SEC13: variants seen among roughly 807,000 people sequenced by gnomAD.
SEC13 encodes protein SEC13 homolog.
A neutral mutation model predicts 49.2 loss-of-function variants in SEC13; 25 were observed. The observed-to-expected ratio is 0.51, with a 90% CI of 0.37 to 0.71. The LOEUF (loss-of-function observed/expected upper bound fraction) is 0.71, where lower values mean the gene tolerates loss of function less well. SEC13 is among the 30% of genes least tolerant of loss of function. The pLI, the probability that SEC13 is intolerant of heterozygous loss-of-function variation, is 0.00. For missense variants in SEC13, 383 were observed against 417.6 expected (o/e 0.92, Z 0.72); for synonymous variants, 148 against 163.9 (o/e 0.90, Z 0.74).
chr3:10,320,451 C>T, intron 1 of SEC13: 1 of 917,248 alleles, frequency 1.1e-6, no homozygotes, highest in Non-Finnish European at 1.3e-6. Flanking sequence ...AACCCTGAGC[C>T]CCTGCCTTCG....
rs550477789 is a variant in SEC13 at position 10,309,871 on chromosome 3, T to TA, written c.450+2093dup. Among the ~76,000 whole-genome samples the TA allele has an allele frequency of 1.3e-3, 191 of 152,336 alleles. 1 individual carries two copies. Among genetic ancestry groups the TA allele is most frequent in the African/African-American group, 4.4e-3 (183 of 41,580 alleles). The stretch of plus-strand genomic sequence containing the variant: ...ACTCTCCCTTGTTTCTGTGTGGTGT[T>TA]AAAAAACGTGGGAGATGGCTTTCAG... On this transcript the variant is annotated intron_variant, in intron 5 of 8. Transcript: ENST00000350697.
chr3:10,302,486 C>A (rs759979617), intron 8 of SEC13, among the ~76,000 whole-genome samples: 1 of 152,172 alleles, frequency 6.6e-6, no homozygotes, highest in African/African-American at 2.4e-5. Flanking sequence ...ACGGGCCCCA[C>A]AACACTGCGT....
rs1574881625 is a variant in SEC13 at position 10,312,106 on chromosome 3, A to G, written c.317-8T>C. On this transcript the variant is annotated splice_polypyrimidine_tract_variant and splice_region_variant and intron_variant, in intron 4 of 8. Coordinates refer to ENST00000350697, the MANE Select transcript of SEC13 (RefSeq NM_183352.3). ...CCCAGCACACCGAGTTCACTGCGGG[A>G]AGAGGGAGAGTGCAGTGAGCAAAGC... 1 of 1,588,676 alleles carries G rather than the reference A, an allele frequency of 6.3e-7. No individual in the cohort carries two copies. The highest frequency in any genetic ancestry group is 1.7e-4 in the Middle Eastern group (1 of 5,980).
At chr3:10,304,661 G>A (rs1700752010) in intron 7 of SEC13, among the ~76,000 whole-genome samples, 1 of 152,202 alleles carries the variant, frequency 6.6e-6, no homozygotes, top group Non-Finnish European at 1.5e-5. Context: ...CGTCCTTGCT[G>A]TCTGGGAAGG....
chr3:10,309,248 G>A (rs1701096879), intron 5 of SEC13, among the ~76,000 whole-genome samples: 1 of 151,564 alleles, frequency 6.6e-6, no homozygotes, highest in Admixed American at 6.6e-5. Flanking sequence ...ATATTGTTAA[G>A]TGTGGGGTAT....
intron 5 of SEC13, among the ~76,000 whole-genome samples, chr3:10,310,514 C>G (rs995664450): frequency 3.3e-5 from 5 of 151,944 alleles, no homozygotes; most frequent in African/African-American, 1.2e-4. Flanking sequence ...AAAACAAACC[C>G]AAAAAATCAC....
chr3:10,302,942 C>T (rs1052163073), intron 8 of SEC13, among the ~76,000 whole-genome samples: 3 of 152,078 alleles, frequency 2.0e-5, no homozygotes, highest in African/African-American at 7.3e-5. Flanking sequence ...CGCAAAAGGA[C>T]AAATACTGTA....
At position 10,320,885 on chromosome 3, in the gene SEC13, C is replaced by CG. The variant is rs962807925; in HGVS notation, c.3+164dup. ...CTCGGCCTCACCTCTGGACTCCCCTCGGAATGGTCCGCAAGGACGGGGCCA... is the reference window on the plus strand; with the variant it reads ...CTCGGCCTCACCTCTGGACTCCCCTCGGGAATGGTCCGCAAGGACGGGGCCA... On this transcript the variant is annotated intron_variant, in intron 1 of 8. Transcript: ENST00000350697. 2.6e-5 allele frequency: 37 copies of CG among 1,434,424 alleles called. 1 individual carries two copies. In the African/African-American group the frequency reaches 5.2e-4, roughly 20 times the overall value. The allele number at this position is 1,434,424 out of a possible 1,614,324, so 88.9% of individuals were successfully genotyped here. A position where few individuals can be genotyped will look rare whatever the true frequency, so the allele number is the denominator to read the frequency against.
At chr3:10,309,316 A>G (rs949147034) in intron 5 of SEC13, among the ~76,000 whole-genome samples, 1 of 151,988 alleles carries the variant, frequency 6.6e-6, no homozygotes, top group African/African-American at 2.4e-5. Flanking sequence ...AGTTTTCTGG[A>G]TTACTTTTTG....
chr3:10,319,685 G>A (rs1001718028), intron 1 of SEC13, among the ~76,000 whole-genome samples: 1 of 148,228 alleles, frequency 6.7e-6, no homozygotes, highest in South Asian at 2.1e-4. Flanking sequence ...GGTTACCAAA[G>A]GACCTTAGAA....
chr3:10,316,460 T>G (rs878857922), intron 2 of SEC13, among the ~76,000 whole-genome samples: 2 of 152,154 alleles, frequency 1.3e-5, no homozygotes, highest in African/African-American at 2.4e-5. Context: ...CTTGGTTTCT[T>G]GGAGGGCAGG....
At position 10,312,027 on chromosome 3, in the gene SEC13, A is replaced by G. The variant is rs765319291; in HGVS notation, c.388T>C (p.Ser130Pro). 1 of 1,613,940 alleles carries G rather than the reference A, an allele frequency of 6.2e-7. No individual in the cohort carries two copies. The highest frequency in any genetic ancestry group is 8.5e-7 in the Non-Finnish European group (1 of 1,179,998). The change falls in exon 5 of 9, where the codon TCC (serine) becomes CCC (proline). Residue 130 changes from serine (S) to proline (P), a missense_variant. Transcript: ENST00000350697. ...LACGSSDGAI[S>P]LLTYTGEGQW... Reference sequence around the variant, plus strand: ...CCTTCCCCGGTGTAAGTCAGCAGGGAGATGGCCCCATCCGAGCTCCCACAG... The same window carrying G: ...CCTTCCCCGGTGTAAGTCAGCAGGGGGATGGCCCCATCCGAGCTCCCACAG...
intron 3 of SEC13, among the ~76,000 whole-genome samples, chr3:10,314,694 G>A (rs1466307663): frequency 6.6e-6 from 1 of 152,202 alleles, no homozygotes; most frequent in African/African-American, 2.4e-5. Flanking sequence ...GTAGAGATGT[G>A]GCCATAAAAA....
intron 5 of SEC13, chr3:10,311,597 T>G: frequency 9.9e-7 from 1 of 1,005,394 alleles, no homozygotes; most frequent in Non-Finnish European, 1.2e-6. Flanking sequence ...CTTTCTTAAA[T>G]GTATGCATAG....
At chr3:10,312,131 C>T in intron 4 of SEC13, 33 bp from the exon 5 acceptor site, 4 of 1,558,642 alleles carry the variant, frequency 2.6e-6, no homozygotes, top group Non-Finnish European at 3.5e-6. Context: ...GTGAGCAAAG[C>T]AGGGAGACCG....
At position 10,318,109 on chromosome 3, in the gene SEC13, A is replaced by G; in HGVS notation, c.4-15T>C. 6.3e-7 allele frequency: 1 copy of G among 1,581,370 alleles called. No homozygotes were observed. Among genetic ancestry groups the G allele is most frequent in the East Asian group, 2.2e-5 (1 of 44,720 alleles). Reference sequence around the variant, plus strand: ...ATTACTGACACCTAGAACCAAAGATATCACTGGTAAATTAACTCATGGCAG... The same window carrying G: ...ATTACTGACACCTAGAACCAAAGATGTCACTGGTAAATTAACTCATGGCAG... On this transcript the variant is annotated splice_polypyrimidine_tract_variant and intron_variant, in intron 1 of 8. Coordinates refer to ENST00000350697, the MANE Select transcript of SEC13 (RefSeq NM_183352.3).
At chr3:10,311,844 C>T (rs1477609383) in intron 5 of SEC13, 121 bp downstream of exon 5, 4 of 1,587,934 alleles carry the variant, frequency 2.5e-6, no homozygotes, top group Admixed American at 1.7e-5. Context: ...GTCTGGTCAG[C>T]TGACCACTCC....
intron 6 of SEC13, 189 bp from the exon 7 acceptor site, chr3:10,305,345 A>G: frequency 9.1e-7 from 1 of 1,095,184 alleles, no homozygotes; most frequent in Non-Finnish European, 1.3e-6. Context: ...CTCTGCTTCC[A>G]CAGCCAAAGA....
intron 8 of SEC13, among the ~76,000 whole-genome samples, chr3:10,302,416 A>G (rs1700592992): frequency 6.6e-6 from 1 of 152,220 alleles, no homozygotes; most frequent in Non-Finnish European, 1.5e-5. Context: ...TAAGGGTGCT[A>G]TGGAGACAGC....
Sources: gnomAD v4.1 joint callset for allele counts (sites outside exome capture counted in the v4.1 genomes callset) on GRCh38, gnomAD v4.1.1 for gene constraint, MANE v1.5 for transcripts, NCBI Gene and HGNC (gene_info 2026-07-23, HGNC 2026-07-21) for gene names.